BAZ2B: variants seen among roughly 807,000 people sequenced by gnomAD.
BAZ2B encodes the protein bromodomain adjacent to zinc finger domain 2B.
In BAZ2B, 91 loss-of-function variants were observed where a neutral mutation model predicts 246.0. That is an observed-to-expected ratio of 0.37 (90% CI 0.31 to 0.44). The LOEUF (loss-of-function observed/expected upper bound fraction) is 0.44, where lower values mean the gene tolerates loss of function less well. Ranked by LOEUF, BAZ2B falls within the 20% of genes least tolerant of loss-of-function variation. The pLI, the probability that BAZ2B is intolerant of heterozygous loss-of-function variation, is 1.00. For synonymous variants in BAZ2B, 855 were observed against 860.0 expected, an observed-to-expected ratio of 0.99 and a Z score of 0.10; for missense variants, 2,332 against 2,533.7, an observed-to-expected ratio of 0.92 and a Z score of 1.71.
chr2:159,322,296 T>C (rs951720460), intron 36 of BAZ2B, among the ~76,000 whole-genome samples: 1 of 152,186 alleles, frequency 6.6e-6, no homozygotes, highest in African/African-American at 2.4e-5. Context: ...AAATTAACCA[T>C]ATTAAGGTGG....
At chr2:159,322,677 T>A (rs2062861145) in intron 36 of BAZ2B, among the ~76,000 whole-genome samples, 1 of 152,196 alleles carries the variant, frequency 6.6e-6, no homozygotes, top group South Asian at 2.1e-4. Context: ...CATATGTGTG[T>A]CCTTCCTTTA....
At chr2:159,620,696 C>A (rs1696397057), upstream of BAZ2B, among the ~76,000 whole-genome samples, 1 of 152,012 alleles carries the variant, frequency 6.6e-6, no homozygotes, top group South Asian at 2.1e-4. Flanking sequence ...TGTCCATCCA[C>A]TAGTGAGAAA....
intron 35 of BAZ2B, 36 bp from the exon 36 acceptor site, chr2:159,324,990 T>C: frequency 7.5e-7 from 1 of 1,328,480 alleles, no homozygotes; most frequent in Non-Finnish European, 9.7e-7. Flanking sequence ...GTATCCATAC[T>C]TTACAACTGT....
At chr2:159,325,104 A>AT (rs1293113136) in intron 35 of BAZ2B, 150 bp from the exon 36 acceptor site, 2 of 3,570 alleles carry the variant, frequency 5.6e-4, no homozygotes, top group Non-Finnish European at 1.4e-3. Flanking sequence ...ATATATATAT[A>AT]TATATATATA....
At chr2:159,324,603 A>G (rs1223901058) in intron 36 of BAZ2B, among the ~76,000 whole-genome samples, 4 of 145,820 alleles carry the variant, frequency 2.7e-5, no homozygotes, top group African/African-American at 5.1e-5. Flanking sequence ...TTTCTCTTCT[A>G]TACTATTCTA....
chr2:159,495,133 A>G (rs2080933157), intron 2 of BAZ2B, among the ~76,000 whole-genome samples: 1 of 152,196 alleles, frequency 6.6e-6, no homozygotes, highest in South Asian at 2.1e-4. Context: ...TTTGTTAATA[A>G]TTAGGGATAT....
chr2:159,630,700 A>AT, the BAZ2B span, among the ~76,000 whole-genome samples: 7 of 151,924 alleles, frequency 4.6e-5, no homozygotes, highest in South Asian at 4.2e-4. Context: ...CGCCCGGCTA[A>AT]TTTTTTTGTA....
At chr2:159,647,095 A>C in the BAZ2B span, among the ~76,000 whole-genome samples, 1 of 152,182 alleles carries the variant, frequency 6.6e-6, no homozygotes, top group Non-Finnish European at 1.5e-5. Context: ...CATTTTAGGT[A>C]TTTGTACAGG....
chr2:159,412,323 T>C lies in BAZ2B; in HGVS notation c.2677+12A>G. 1 of 1,612,496 alleles carries C rather than the reference T, an allele frequency of 6.2e-7. No individual in the cohort carries two copies. Among genetic ancestry groups the C allele is most frequent in the East Asian group, 2.2e-5 (1 of 44,844 alleles). ...GTATGATTATTAGTGTCAGACACAT[T>C]ATGTTTCTTACCTTGAGCTTGCAGT... On this transcript the variant is annotated intron_variant, in intron 14 of 36. Coordinates refer to ENST00000392783, the MANE Select transcript of BAZ2B (RefSeq NM_013450.4).
At chr2:159,652,877 T>G in the BAZ2B span, among the ~76,000 whole-genome samples, 2 of 152,002 alleles carry the variant, frequency 1.3e-5, no homozygotes, top group African/African-American at 2.4e-5. Context: ...CTTGGCCTCC[T>G]AAAGTGCTGG....
At chr2:159,508,275 T>C (rs932575680) in intron 2 of BAZ2B, among the ~76,000 whole-genome samples, 1 of 152,230 alleles carries the variant, frequency 6.6e-6, no homozygotes, top group Non-Finnish European at 1.5e-5. Context: ...TGACATTTTC[T>C]TATCCTCTTT....
At chr2:159,445,152 A>G (rs1421606716) in intron 6 of BAZ2B, among the ~76,000 whole-genome samples, 1 of 152,190 alleles carries the variant, frequency 6.6e-6, no homozygotes, top group Non-Finnish European at 1.5e-5. Context: ...CAGAATGTAG[A>G]AGTGAATTTA....
At chr2:159,389,082 C>T (rs2062995758) in intron 21 of BAZ2B, among the ~76,000 whole-genome samples, 1 of 146,948 alleles carries the variant, frequency 6.8e-6, no homozygotes, top group Admixed American at 6.8e-5. Flanking sequence ...AGAGTAAGAC[C>T]CTGTCTGAAA....
At chr2:159,646,299 G>A in the BAZ2B span, among the ~76,000 whole-genome samples, 1 of 152,206 alleles carries the variant, frequency 6.6e-6, no homozygotes, top group Non-Finnish European at 1.5e-5. Flanking sequence ...CTCACCGGCA[G>A]TCAGAGTTTA....
chr2:159,447,107 GT>G, intron 5 of BAZ2B, 132 bp from the exon 6 acceptor site: 1 of 614,502 alleles, frequency 1.6e-6, no homozygotes, highest in Non-Finnish European at 2.5e-6. Context: ...AGGTCATGTT[GT>G]ATGATTCCAT....
chr2:159,617,327 C>T (rs996029617), upstream of BAZ2B, among the ~76,000 whole-genome samples: 1 of 152,076 alleles, frequency 6.6e-6, no homozygotes, highest in Non-Finnish European at 1.5e-5. Flanking sequence ...CCCCCAACCC[C>T]AATTCCCAAA....
At chr2:159,551,341 A>T (rs1045232221) in intron 2 of BAZ2B, among the ~76,000 whole-genome samples, 2 of 151,732 alleles carry the variant, frequency 1.3e-5, no homozygotes, top group South Asian at 2.1e-4. Flanking sequence ...TGGTGGCGGA[A>T]ACCTGTAGTC....
intron 27 of BAZ2B, among the ~76,000 whole-genome samples, chr2:159,370,368 A>C (rs2060699208): frequency 7.0e-6 from 1 of 142,164 alleles, no homozygotes; most frequent in Admixed American, 7.2e-5. Context: ...TCTCCTAGGC[A>C]CTGTACTACC....
chr2:159,430,712 T>A, intron 10 of BAZ2B, 151 bp downstream of exon 10: 1 of 1,301,486 alleles, frequency 7.7e-7, no homozygotes, highest in Non-Finnish European at 1.0e-6. Context: ...AGTCATATCC[T>A]TTGAAAATAC....
Sources: allele counts gnomAD v4.1 joint callset (sites outside exome capture counted in the v4.1 genomes callset), GRCh38; gene constraint gnomAD v4.1.1; transcripts MANE v1.5; gene names NCBI Gene and HGNC (gene_info 2026-07-23, HGNC 2026-07-21).